The following NRXN1 variants were observed in gnomAD, a reference collection of about 807,000 sequenced individuals.
NRXN1 encodes neurexin-1.
Under a neutral mutation model 150.9 loss-of-function variants are expected in NRXN1, and 39 were observed. The ratio of observed to expected loss-of-function variants is 0.26; its 90% CI spans 0.20 to 0.34. The LOEUF is 0.34. NRXN1 is among the 10% of genes least tolerant of loss of function. The probability of loss-of-function intolerance (pLI) is 1.00; values close to 1 mark genes in which losing one functional copy is unlikely to be tolerated. For synonymous variants in NRXN1, 924 were observed against 757.0 expected, an observed-to-expected ratio of 1.22 and a Z score of -3.62; for missense variants, 1,815 against 1,949.9, an observed-to-expected ratio of 0.93 and a Z score of 1.30.
At chr2:50,451,577 T>C (rs1268661835) in intron 17 of NRXN1, among the ~76,000 whole-genome samples, 3 of 152,192 alleles carry the variant, frequency 2.0e-5, no homozygotes, top group Admixed American at 6.5e-5. Context: ...TTTTGCAATT[T>C]CTTATGTTAA....
intron 18 of NRXN1, among the ~76,000 whole-genome samples, chr2:50,124,468 AT>A (rs1271478102): frequency 1.3e-5 from 2 of 152,210 alleles, no homozygotes; most frequent in Admixed American, 1.3e-4. Context: ...ACTTTTTCCC[AT>A]TGTTAATACG....
chr2:50,926,723 T>A (rs62142987), intron 2 of NRXN1, among the ~76,000 whole-genome samples: 13,367 of 151,936 alleles, frequency 0.088, 651 homozygotes, highest in South Asian at 0.12. Flanking sequence ...TGAATTTGTT[T>A]GAGACAATGA....
chr2:50,689,908 C>T (rs988645063), intron 5 of NRXN1, among the ~76,000 whole-genome samples: 7 of 129,546 alleles, frequency 5.4e-5, no homozygotes, highest in African/African-American at 1.4e-4. Flanking sequence ...GTGTTTGAGA[C>T]GGAGTCTCGC....
chr2:50,067,645 G>A (rs866355372), intron 19 of NRXN1, among the ~76,000 whole-genome samples: 1 of 152,200 alleles, frequency 6.6e-6, no homozygotes, highest in Non-Finnish European at 1.5e-5. Context: ...CAGTTGTGTA[G>A]CATTTAAGAC....
chr2:50,771,641 G>A (rs1481009920), intron 5 of NRXN1, among the ~76,000 whole-genome samples: 1 of 152,120 alleles, frequency 6.6e-6, no homozygotes, highest in Non-Finnish European at 1.5e-5. Flanking sequence ...GAGATGGGTT[G>A]CGGGTAAGAA....
At chr2:50,037,597 T>G (rs1212755294) in intron 21 of NRXN1, among the ~76,000 whole-genome samples, 5 of 152,218 alleles carry the variant, frequency 3.3e-5, no homozygotes, top group Non-Finnish European at 7.3e-5. Flanking sequence ...TGAAGGCTAT[T>G]GTGCTGGCTT....
Position 50,565,386 on chromosome 2 carries a change from TA to T in NRXN1, c.1321-12362del, listed in dbSNP as rs547149672. 8.0e-3 allele frequency among the ~76,000 whole-genome samples: 1,200 copies of T among 149,760 alleles called. 8 individuals carry two copies. Among genetic ancestry groups the T allele is most frequent in the African/African-American group, 0.023 (949 of 41,008 alleles). On this transcript the variant is annotated intron_variant, in intron 8 of 22. Transcript: ENST00000401669. ...GATATAATCGGTTTATTCACTTCAA[TA>T]AAAAAAAAATCATTGAATATTTTTA...
At chr2:50,111,384 G>A (rs956530576) in intron 18 of NRXN1, among the ~76,000 whole-genome samples, 2 of 152,082 alleles carry the variant, frequency 1.3e-5, no homozygotes, top group East Asian at 1.9e-4. Flanking sequence ...GGTCACTCCC[G>A]TAATCCCAGC....
intron 5 of NRXN1, among the ~76,000 whole-genome samples, chr2:50,808,025 G>A (rs1667731939): frequency 6.6e-6 from 1 of 152,098 alleles, no homozygotes; most frequent in African/African-American, 2.4e-5. Flanking sequence ...TTTGGGGTGT[G>A]TTTATACTAC....
intron 5 of NRXN1, among the ~76,000 whole-genome samples, chr2:50,767,041 G>A (rs982227394): frequency 6.6e-6 from 1 of 152,048 alleles, no homozygotes; most frequent in East Asian, 1.9e-4. Context: ...TGACTAACTT[G>A]AGAATTTCGG....
chr2:49,930,099 G>T (rs548551893), intron 22 of NRXN1, among the ~76,000 whole-genome samples: 1 of 152,156 alleles, frequency 6.6e-6, no homozygotes, highest in Admixed American at 6.5e-5. Flanking sequence ...TGACCTTGAG[G>T]AAACAAAGTT....
chr2:50,010,042 A>G (rs1378896586), intron 21 of NRXN1, among the ~76,000 whole-genome samples: 1 of 152,140 alleles, frequency 6.6e-6, no homozygotes, highest in Non-Finnish European at 1.5e-5. Context: ...ATAGCAGACG[A>G]TACAACTACA....
chr2:50,659,879 C>A (rs1048137548), intron 5 of NRXN1, among the ~76,000 whole-genome samples: 1 of 151,786 alleles, frequency 6.6e-6, no homozygotes, highest in Non-Finnish European at 1.5e-5. Context: ...AATTAAGTTT[C>A]TATTTTAATA....
intron 17 of NRXN1, among the ~76,000 whole-genome samples, chr2:50,424,084 C>T (rs545834852): frequency 2.0e-4 from 30 of 147,016 alleles, no homozygotes; most frequent in African/African-American, 4.3e-4. Flanking sequence ...AGCAAGAGAG[C>T]ACCATGATTC....
chr2:50,161,203 A>G (rs1345280730), intron 18 of NRXN1, among the ~76,000 whole-genome samples: 1 of 152,166 alleles, frequency 6.6e-6, no homozygotes, highest in Middle Eastern at 3.2e-3. Context: ...AATGCATTTA[A>G]CCTTACAAAG....
chr2:50,234,000 T>C (rs903638216), intron 18 of NRXN1, among the ~76,000 whole-genome samples: 4 of 152,068 alleles, frequency 2.6e-5, no homozygotes, highest in Non-Finnish European at 5.9e-5. Flanking sequence ...TGTTCCTTTC[T>C]TCCCTCCCTT....
intron 8 of NRXN1, among the ~76,000 whole-genome samples, chr2:50,594,457 T>C (rs1248894241): frequency 2.0e-5 from 3 of 152,130 alleles, no homozygotes; most frequent in Non-Finnish European, 4.4e-5. Context: ...TAAGTATGGG[T>C]GAGTCATAGA....
intron 5 of NRXN1, among the ~76,000 whole-genome samples, chr2:50,707,399 C>T (rs1351251765): frequency 6.6e-6 from 1 of 152,182 alleles, no homozygotes; most frequent in Non-Finnish European, 1.5e-5. Flanking sequence ...AGTGCTGGTT[C>T]TTGGCGGTAG....
intron 15 of NRXN1, among the ~76,000 whole-genome samples, chr2:50,494,850 C>A (rs566974722): frequency 6.6e-6 from 1 of 151,640 alleles, no homozygotes; most frequent in Non-Finnish European, 1.5e-5. Context: ...CTGACCAACA[C>A]GGCAAAAACC....
Sources: gnomAD v4.1 joint callset for allele counts (sites outside exome capture counted in the v4.1 genomes callset) on GRCh38, gnomAD v4.1.1 for gene constraint, MANE v1.5 for transcripts, NCBI Gene and HGNC (gene_info 2026-07-23, HGNC 2026-07-21) for gene names.